Variants in CALCA observed in about 807,000 individuals in gnomAD.
The protein encoded by CALCA is calcitonin related polypeptide alpha.
Under a neutral mutation model 6.9 loss-of-function variants are expected in CALCA, and 4 were observed. The observed-to-expected ratio is 0.58, with a 90% CI of 0.29 to 1.33. The LOEUF (loss-of-function observed/expected upper bound fraction) is 1.33, where lower values mean the gene tolerates loss of function less well. CALCA is among the 40% of genes most tolerant of loss of function. The probability of loss-of-function intolerance (pLI) is 0.09; values close to 1 mark genes in which losing one functional copy is unlikely to be tolerated. For synonymous variants in CALCA, 78 were observed against 70.0 expected, an observed-to-expected ratio of 1.11 and a Z score of -0.57; for missense variants, 174 against 178.3, an observed-to-expected ratio of 0.98 and a Z score of 0.14.
downstream of CALCA, chr11:14,968,100 T>C (rs1338149756): frequency 1.7e-6 from 1 of 574,506 alleles, no homozygotes; most frequent in Non-Finnish European, 3.1e-6. Context: ...TGACTGGCTA[T>C]GGAATGTGGA....
At chr11:14,968,458 GCC>G (rs1398207538), downstream of CALCA, 17 of 1,219,108 alleles carry the variant, frequency 1.4e-5, no homozygotes, top group African/African-American at 2.2e-4. Context: ...ACACTATGAA[GCC>G]TGGGACATAG....
At chr11:14,968,085 C>T, downstream of CALCA, 1 of 591,732 alleles carries the variant, frequency 1.7e-6, no homozygotes, top group Non-Finnish European at 3.0e-6. Context: ...CAAGGTGACT[C>T]TGGATGACTG....
At chr11:14,967,476 G>T (rs187561053), downstream of CALCA, among the ~76,000 whole-genome samples, 7 of 152,274 alleles carry the variant, frequency 4.6e-5, no homozygotes, top group African/African-American at 1.7e-4. Context: ...GATGATCTCA[G>T]GGTTACAAGG....
Position 14,968,627 on chromosome 11 carries a change from C to G in CALCA, c.*172G>C. On this transcript the variant is annotated 3_prime_UTR_variant, in exon 4 of 4. Transcript: ENST00000331587. ...TTCTGGTATTTTCCCAGGTGATTCTCTTCCAACCTGTGAGTCCTGCTCTCT... is the reference window on the plus strand; with the variant it reads ...TTCTGGTATTTTCCCAGGTGATTCTGTTCCAACCTGTGAGTCCTGCTCTCT... 6.5e-7 allele frequency: 1 copy of G among 1,549,746 alleles called. No homozygotes were observed. The highest frequency in any genetic ancestry group is 8.7e-7 in the Non-Finnish European group (1 of 1,150,208).
chr11:14,967,783 C>G, downstream of CALCA: 1 of 1,614,238 alleles, frequency 6.2e-7, no homozygotes, highest in Non-Finnish European at 8.5e-7. Context: ...ACCCCCTGAT[C>G]TGCTCAGCAA....
At chr11:14,968,022 G>C (rs369398735), downstream of CALCA, 2 of 794,612 alleles carry the variant, frequency 2.5e-6, no homozygotes, top group Admixed American at 4.2e-5. Flanking sequence ...AAGGCCATTA[G>C]GGAAAATGCC....
rs782731341 is a variant in CALCA, at chr11:14,971,090, G to A, written c.86+17C>T. 6.2e-7 allele frequency: 1 copy of A among 1,606,158 alleles called. No individual in the cohort carries two copies. The highest frequency in any genetic ancestry group is 1.1e-5 in the South Asian group (1 of 90,914). ...ATTGTCTGATACCAGTGTGGTTCTGGCTTCAGGCTGTCTTACCTGAATGGT... is the reference window on the plus strand; with the variant it reads ...ATTGTCTGATACCAGTGTGGTTCTGACTTCAGGCTGTCTTACCTGAATGGT... On this transcript the variant is annotated intron_variant, in intron 2 of 3. Transcript: ENST00000331587.
At chr11:14,968,099 A>G (rs192656404), downstream of CALCA, 34 of 576,678 alleles carry the variant, frequency 5.9e-5, no homozygotes, top group African/African-American at 4.5e-4. Flanking sequence ...ATGACTGGCT[A>G]TGGAATGTGG....
At chr11:14,968,092 A>G, downstream of CALCA, 1 of 585,846 alleles carries the variant, frequency 1.7e-6, no homozygotes, top group Admixed American at 2.9e-5. Flanking sequence ...ACTCTGGATG[A>G]CTGGCTATGG....
At chr11:14,967,766 T>C (rs782031222), downstream of CALCA, 3 of 1,614,204 alleles carry the variant, frequency 1.9e-6, no homozygotes, top group Admixed American at 3.3e-5. Flanking sequence ...AAGTTGTTCT[T>C]CACCACACCC....
At chr11:14,968,113 A>G (rs1849499668), downstream of CALCA, 1 of 555,484 alleles carries the variant, frequency 1.8e-6, no homozygotes, top group Non-Finnish European at 3.2e-6. Context: ...AATGTGGAGC[A>G]GTAACAGCCA....
chr11:14,969,792 G>T, intron 3 of CALCA, 143 bp downstream of exon 3: 1 of 1,299,420 alleles, frequency 7.7e-7, no homozygotes, highest in Non-Finnish European at 1.1e-6. Flanking sequence ...TGGAGGCTGA[G>T]AACAGCTGGG....
chr11:14,968,335 C>G, downstream of CALCA: 1 of 593,766 alleles, frequency 1.7e-6, no homozygotes, highest in Admixed American at 4.4e-5. Flanking sequence ...GAGGTGCTTA[C>G]CTGCTCCTTA....
downstream of CALCA, chr11:14,967,778 C>G (rs1849491728): frequency 2.5e-6 from 4 of 1,614,136 alleles, no homozygotes; most frequent in Admixed American, 5.0e-5. Flanking sequence ...ACCACACCCC[C>G]TGATCTGCTC....
Position 14,971,154 on chromosome 11 carries a change from G to C in CALCA, c.39C>G (p.Ser13Arg). ...TGCCTGCCTGCAACAGGACCAAGAT[G>C]CTGAGAGCCAGGAAGGGGGAGAACT... is the stretch of plus-strand genomic sequence containing the variant. ...FQKFSPFLAL[S>R]ILVLLQAGSL... Residue 13 changes from serine (S) to arginine (R), a missense_variant, in exon 2 of 4, where the codon AGC becomes AGG. Transcript: ENST00000331587. 1 of 1,614,118 alleles carries C rather than the reference G, an allele frequency of 6.2e-7. No individual in the cohort carries two copies. The highest frequency in any genetic ancestry group is 8.5e-7 in the Non-Finnish European group (1 of 1,180,002).
rs1849561833 is a variant in CALCA, at chr11:14,970,049, T to G, written c.113A>C (p.Asp38Ala). Residue 38 changes from aspartate to alanine, a missense_variant, in exon 3 of 4, where the codon GAC (aspartate) becomes GCC (alanine). By Grantham distance (126) the Asp-to-Ala change is moderately radical (BLOSUM62 -2). Transcript: ENST00000331587. ...FRSALESSPA[D>A]PATLSEDEAR... is the part of the protein sequence containing the mutation. Reference sequence around the variant, plus strand: ...TTCGTCCTCACTGAGCGTGGCCGGGTCTGCTGGGCTGCTCTCCAGGGCAGA... The same window carrying G: ...TTCGTCCTCACTGAGCGTGGCCGGGGCTGCTGGGCTGCTCTCCAGGGCAGA... 5.0e-6 allele frequency: 8 copies of G among 1,614,178 alleles called. No individual in the cohort carries two copies. The East Asian group carries it at 1.6e-4, about 31-fold the overall frequency.
intron 3 of CALCA, 138 bp downstream of exon 3, chr11:14,969,797 G>T: frequency 7.4e-7 from 1 of 1,345,852 alleles, no homozygotes; most frequent in Non-Finnish European, 1.1e-6. Context: ...GCTGAGAACA[G>T]CTGGGCCCCA....
At chr11:14,969,289 C>A (rs1849533210) in intron 3 of CALCA, among the ~76,000 whole-genome samples, 1 of 152,272 alleles carries the variant, frequency 6.6e-6, no homozygotes, top group South Asian at 2.1e-4. Context: ...CATGCCTCTG[C>A]CTGAGCAGTG....
chr11:14,968,983 C>T lies in CALCA; in HGVS notation c.242G>A (p.Arg81Lys). ...ACTCAGATTACCGCACCGCTTAGAT[C>T]TGGGGCTGTCCAGGCTGCAGGGAAA... is the stretch of plus-strand genomic sequence containing the variant. ...EREGSSLDSP[R>K]SKRCGNLSTC... Residue 81 changes from arginine (R) to lysine (K), a missense_variant, in exon 4 of 4, where the codon AGA (arginine) becomes AAA (lysine). Coordinates refer to ENST00000331587, the MANE Select transcript of CALCA (RefSeq NM_001741.3). 6.2e-7 allele frequency: 1 copy of T among 1,613,560 alleles called. No homozygotes were observed. Among genetic ancestry groups the T allele is most frequent in the East Asian group, 2.2e-5 (1 of 44,884 alleles).
Sources: gnomAD v4.1 joint callset for allele counts (sites outside exome capture counted in the v4.1 genomes callset) on GRCh38, gnomAD v4.1.1 for gene constraint, MANE v1.5 for transcripts, NCBI Gene and HGNC (gene_info 2026-07-23, HGNC 2026-07-21) for gene names.